Variants in KRT13 observed in about 807,000 individuals in gnomAD.
KRT13 encodes keratin 13, also known as keratin, type I cytoskeletal 13.
KRT13 carries 27 observed loss-of-function variants against 40.6 expected under a neutral mutation model. The ratio of observed to expected loss-of-function variants is 0.67; its 90% CI spans 0.49 to 0.92. The LOEUF (loss-of-function observed/expected upper bound fraction) is 0.92. Ranked by LOEUF, KRT13 falls within the 40% of genes least tolerant of loss-of-function variation. The pLI is 0.00. For synonymous variants in KRT13, 266 were observed against 240.3 expected (o/e 1.11, Z -0.99); for missense variants, 605 against 611.5 (o/e 0.99, Z 0.11).
chr17:41,505,354 C>T lies in KRT13; in HGVS notation c.197G>A (p.Gly66Glu). Reference sequence around the variant, plus strand: ...TCCATAGCCACCTCCAAGGCCACCTCCATAGCCACCTCCAAAGCCACTACC... The same window carrying T: ...TCCATAGCCACCTCCAAGGCCACCTTCATAGCCACCTCCAAAGCCACTACC... ...GAGSGFGGGY[G>E]GGLGGGYGGG... Residue 66 changes from glycine (G) to glutamate (E), a missense_variant, in exon 1 of 8, where the codon GGA becomes GAA. Transcript: ENST00000246635. 6.2e-7 allele frequency: 1 copy of T among 1,613,964 alleles called. No individual in the cohort carries two copies. Among genetic ancestry groups the T allele is most frequent in the Non-Finnish European group, 8.5e-7 (1 of 1,179,862 alleles).
At chr17:41,502,028 C>A (rs1412371984) in intron 6 of KRT13, 1 of 1,415,664 alleles carries the variant, frequency 7.1e-7, no homozygotes, top group Non-Finnish European at 9.2e-7. Flanking sequence ...CAACCCTCCA[C>A]CTGAGCCCTG....
intron 6 of KRT13, 163 bp downstream of exon 6, chr17:41,502,211 A>C: frequency 6.5e-7 from 1 of 1,538,230 alleles, no homozygotes; most frequent in South Asian, 1.2e-5. Flanking sequence ...TAGAAAGTTT[A>C]AAGGTGTTAA....
Position 41,504,386 on chromosome 17 carries a change from C to G in KRT13, c.496-661G>C, listed in dbSNP as rs568162948. The G allele has an allele frequency of 1.1e-3, 170 of 156,958 alleles. 3 individuals carry two copies. The South Asian group carries it at 0.031, about 29-fold the overall frequency. 9.7% of individuals were successfully genotyped at this position (156,958 alleles called of 1,614,324 possible). ...CACTTTGCTAGAGCTGACTTCCCAG[C>G]TGAGTGGAGGGGAAATCCAACAAAT... On this transcript the variant is annotated intron_variant, in intron 1 of 7. Coordinates refer to ENST00000246635, the MANE Select transcript of KRT13 (RefSeq NM_153490.3).
At position 41,501,093 on chromosome 17, in the gene KRT13, A is replaced by G. The variant is rs1406261743; in HGVS notation, c.*163T>C. 23 of 601,440 alleles carry G rather than the reference A, an allele frequency of 3.8e-5. No homozygotes were observed. In the East Asian group the frequency reaches 6.8e-4, roughly 18 times the overall value. The allele number at this position is 601,440 out of a possible 1,614,324, so 37.3% of individuals were successfully genotyped here. On this transcript the variant is annotated 3_prime_UTR_variant, in exon 8 of 8. Coordinates refer to ENST00000246635, the MANE Select transcript of KRT13 (RefSeq NM_153490.3). The stretch of plus-strand genomic sequence containing the variant: ...GAGGAGAGAGATCCGACCGGAAGAG[A>G]AGAGCACAGAGGGCCCACCATCAGG...
At chr17:41,501,995 T>C in intron 6 of KRT13, 1 of 1,423,714 alleles carries the variant, frequency 7.0e-7, no homozygotes. Flanking sequence ...GTGTTTGTCT[T>C]CCCTCTGGAT....
Position 41,502,598 on chromosome 17 carries a change from G to A in KRT13, c.1024-4C>T, listed in dbSNP as rs758476417. On this transcript the variant is annotated splice_region_variant and splice_polypyrimidine_tract_variant and intron_variant, in intron 5 of 7. Transcript: ENST00000246635. ...CCGTGTTCTCCAGCCCCGCTTTCTGGTGGAGCGACAGACAAGAAGTTACAG... is the reference window on the plus strand; with the variant it reads ...CCGTGTTCTCCAGCCCCGCTTTCTGATGGAGCGACAGACAAGAAGTTACAG... 3.7e-6 allele frequency: 6 copies of A among 1,613,398 alleles called. No homozygotes were observed. The South Asian group carries it at 6.6e-5, about 18-fold the overall frequency.
At chr17:41,503,941 A>G (rs1432564405) in intron 1 of KRT13, 2 of 554,092 alleles carry the variant, frequency 3.6e-6, no homozygotes, top group Non-Finnish European at 6.4e-6. Context: ...CCTCAATCAA[A>G]GCTGTCCTGG....
intron 2 of KRT13, 88 bp downstream of exon 2, chr17:41,503,555 G>T (rs1904945998): frequency 6.6e-7 from 1 of 1,524,208 alleles, no homozygotes; most frequent in Non-Finnish European, 9.1e-7. Flanking sequence ...TCACTCCTGG[G>T]ATGCTCCAGT....
At chr17:41,501,511 AG>A in intron 7 of KRT13, 149 bp from the exon 8 acceptor site, 1 of 1,111,392 alleles carries the variant, frequency 9.0e-7, no homozygotes, top group Non-Finnish European at 1.3e-6. Flanking sequence ...GCTCTTCCCA[AG>A]ACAGCCAAAT....
chr17:41,501,423 G>A (rs1455109227), intron 7 of KRT13, 61 bp from the exon 8 acceptor site: 5 of 1,383,212 alleles, frequency 3.6e-6, no homozygotes, highest in African/African-American at 1.4e-5. Context: ...GACAGGGCAG[G>A]GCCCCCCTGG....
intron 7 of KRT13, 86 bp from the exon 8 acceptor site, chr17:41,501,448 C>A (rs1184639427): frequency 3.4e-6 from 4 of 1,179,494 alleles, no homozygotes; most frequent in Non-Finnish European, 4.9e-6. Context: ...CTCACAAACT[C>A]CTCATTAGTC....
Position 41,505,310 on chromosome 17 carries a change from AGCCACCTCCAAG to A in KRT13, c.229_240del (p.Leu77_Gly80del), listed in dbSNP as rs779798862. 1.1e-5 allele frequency: 17 copies of A among 1,613,806 alleles called. No individual in the cohort carries two copies. In the South Asian group the frequency reaches 1.6e-4, roughly 16 times the overall value. On this transcript the variant is annotated inframe_deletion, in exon 1 of 8. Transcript: ENST00000246635. ...AAGCCACCAGCAAAACCCCCACCAA[AGCCACCTCCAAG>A]GCCACCTCCATAGCCACCTCCAAGG... is the stretch of plus-strand genomic sequence containing the variant.
chr17:41,503,200 G>A, intron 3 of KRT13, 87 bp downstream of exon 3: 1 of 1,604,334 alleles, frequency 6.2e-7, no homozygotes, highest in Admixed American at 1.7e-5. Context: ...AGGTCCCACA[G>A]TGGAGGACTG....
chr17:41,504,541 G>A lies in KRT13; in HGVS notation c.495+515C>T, dbSNP rs115460515. ...AACAGGCTGGTATCACAGCACAACAGACAGGGCTCAACAAAGGGCACCCAG... is the reference window on the plus strand; with the variant it reads ...AACAGGCTGGTATCACAGCACAACAAACAGGGCTCAACAAAGGGCACCCAG... On this transcript the variant is annotated intron_variant, in intron 1 of 7. Coordinates refer to ENST00000246635, the MANE Select transcript of KRT13 (RefSeq NM_153490.3). The A allele has an allele frequency of 7.1e-3, 1,179 of 165,072 alleles. 12 individuals are homozygous for A. Among genetic ancestry groups the A allele is most frequent in the African/African-American group, 0.026 (1,079 of 41,682 alleles). 10.2% of individuals were successfully genotyped at this position (165,072 alleles called of 1,614,324 possible). A position where few individuals can be genotyped will look rare whatever the true frequency, so the allele number is the denominator to read the frequency against.
chr17:41,501,808 C>T, intron 6 of KRT13, 64 bp from the exon 7 acceptor site: 1 of 1,564,670 alleles, frequency 6.4e-7, no homozygotes, highest in Non-Finnish European at 8.7e-7. Flanking sequence ...TTACCTGTTC[C>T]TCTGGGGAAG....
Position 41,503,444 on chromosome 17 carries a change from C to A in KRT13, c.579-1G>T. On this transcript the variant is annotated splice_acceptor_variant, in intron 2 of 7. Transcript: ENST00000246635. LOFTEE classifies it high-confidence loss of function. ...GCGCAGGGCCAGCTCATTCTCATAC[C>A]TAAAATAGTAAAAAAATGAAATGTT... 6.2e-7 allele frequency: 1 copy of A among 1,614,128 alleles called. No individual in the cohort carries two copies. Among genetic ancestry groups the A allele is most frequent in the Non-Finnish European group, 8.5e-7 (1 of 1,180,010 alleles).
rs746248658 is a variant in KRT13, at chr17:41,505,577, C to T, written c.-27G>A. On this transcript the variant is annotated 5_prime_UTR_variant, in exon 1 of 8. Coordinates refer to ENST00000246635, the MANE Select transcript of KRT13 (RefSeq NM_153490.3). ...GTGAGAGCAGGATTGAGAGCAGGTG[C>T]AGATAGAAGCTTGCTTGGCCTGGGC... 1 of 1,613,802 alleles carries T rather than the reference C, an allele frequency of 6.2e-7. No homozygotes were observed. The highest frequency in any genetic ancestry group is 1.1e-5 in the South Asian group (1 of 91,082).
At chr17:41,501,533 G>T in intron 7 of KRT13, 171 bp from the exon 8 acceptor site, 2 of 1,154,784 alleles carry the variant, frequency 1.7e-6, no homozygotes, top group Non-Finnish European at 2.5e-6. Context: ...AGCTCTGTGG[G>T]GCAGAGCCAT....
rs753894302 is a variant in KRT13 at position 41,503,627 on chromosome 17, G to GA, written c.578+15dup. Reference sequence around the variant, plus strand: ...ACTCCTGGGAAAGGAGAGGGAGGGGGAAAAAAAAAACTCACTTGAGCCTGA... The same window carrying GA: ...ACTCCTGGGAAAGGAGAGGGAGGGGGAAAAAAAAAAACTCACTTGAGCCTGA... On this transcript the variant is annotated intron_variant, in intron 2 of 7. Transcript: ENST00000246635. The GA allele has an allele frequency of 8.1e-3, 10,190 of 1,258,054 alleles. No individual in the cohort carries two copies. The highest frequency in any genetic ancestry group is 0.01 in the Non-Finnish European group (9,019 of 891,016). 77.9% of individuals were successfully genotyped at this position (1,258,054 alleles called of 1,614,324 possible).
Sources: allele counts gnomAD v4.1 joint callset, GRCh38; gene constraint gnomAD v4.1.1; transcripts MANE v1.5; gene names NCBI Gene and HGNC (gene_info 2026-07-23, HGNC 2026-07-21).